The following C9orf50 variants were observed in gnomAD, a reference collection of about 807,000 sequenced individuals.
C9orf50 encodes chromosome 9 open reading frame 50.
A neutral mutation model predicts 42.5 loss-of-function variants in C9orf50; 33 were observed. The ratio of observed to expected loss-of-function variants is 0.78; its 90% confidence interval spans 0.59 to 1.04. C9orf50 has a LOEUF of 1.04. Ranked by LOEUF, C9orf50 falls within the 50% of genes least tolerant of loss-of-function variation. C9orf50 has a pLI of 0.00. For synonymous variants in C9orf50, 257 were observed against 273.4 expected (o/e 0.94, Z 0.59); for missense variants, 547 against 594.3 (o/e 0.92, Z 0.83).
At chr9:129,616,577 C>A (rs563528049) in intron 3 of C9orf50, among the ~76,000 whole-genome samples, 44 of 152,206 alleles carry the variant, frequency 2.9e-4, no homozygotes, top group Admixed American at 2.0e-3. Context: ...AGCCACGTGG[C>A]CTTTGGTAGA....
rs1830656457 is a variant in C9orf50 at position 129,620,651 on chromosome 9, G to C, written c.-77C>G. 4.1e-6 allele frequency: 5 copies of C among 1,222,676 alleles called. No individual in the cohort carries two copies. In the East Asian group the frequency reaches 1.5e-4, roughly 38 times the overall value. The allele number at this position is 1,222,676 out of a possible 1,614,324, so 75.7% of individuals were successfully genotyped here. A position where few individuals can be genotyped will look rare whatever the true frequency, so the allele number is the denominator to read the frequency against. On this transcript the variant is annotated 5_prime_UTR_variant, in exon 1 of 7. Coordinates refer to ENST00000372478, the Ensembl canonical transcript of C9orf50. The surrounding 1 kb of genome is among the most constrained non-coding windows in gnomAD (Gnocchi z 5.8). ...CGCCGGCTGAGGTGGGGAGGGCATAGTCCAGCCCCAGGCCATAGTGCCCCG... is the reference window on the plus strand; with the variant it reads ...CGCCGGCTGAGGTGGGGAGGGCATACTCCAGCCCCAGGCCATAGTGCCCCG...
intron 3 of C9orf50, 33 bp from the exon 4 acceptor site, chr9:129,615,680 C>A: frequency 2.7e-6 from 4 of 1,495,824 alleles, no homozygotes; most frequent in Non-Finnish European, 3.5e-6. Context: ...GTGCTCGAAG[C>A]CCCCCACCGT....
At chr9:129,619,522 G>A in exon 3 of C9orf50, 1 of 1,610,532 alleles carries the variant, frequency 6.2e-7, no homozygotes, top group Non-Finnish European at 8.5e-7. Flanking sequence ...TCACTCACTG[G>A]TTGGCCTTTC....
At chr9:129,619,917 C>T (rs1161150383) in intron 1 of C9orf50, 87 bp from the exon 2 acceptor site, 1 of 1,524,842 alleles carries the variant, frequency 6.6e-7, no homozygotes, top group East Asian at 2.3e-5. Context: ...CAGACCAGCC[C>T]TCAAGGACGG....
intron 3 of C9orf50, 102 bp from the exon 4 acceptor site, chr9:129,615,749 C>T: frequency 7.7e-7 from 1 of 1,296,976 alleles, no homozygotes; most frequent in Non-Finnish European, 1.0e-6. Flanking sequence ...AAGTGCCCTA[C>T]ACTGGTCTTG....
At position 129,613,112 on chromosome 9, in the gene C9orf50, C is replaced by T. The variant is rs774751558; in HGVS notation, c.1183G>A (p.Glu395Lys). The T allele has an allele frequency of 6.2e-7, 1 of 1,613,886 alleles. No homozygotes were observed. The highest frequency in any genetic ancestry group is 1.1e-5 in the South Asian group (1 of 91,038). Residue 395 changes from glutamate to lysine, a missense_variant, in exon 6 of 7, where the codon GAG becomes AAG. Transcript: ENST00000372478. This position sits in a 1 kb window ranked among gnomAD's most constrained non-coding sequence, Gnocchi z 6.2. The stretch of plus-strand genomic sequence containing the variant: ...GAGCAAGACCATTTGCCCACCTGCT[C>T]CAGGTTTCTGTGCGGGTCCAAGAAG...
chr9:129,618,282 G>A (rs190552162), intron 3 of C9orf50, among the ~76,000 whole-genome samples: 8 of 152,238 alleles, frequency 5.3e-5, no homozygotes, highest in African/African-American at 1.7e-4. Context: ...GCCCAGGTAG[G>A]TTCCAATTCC....
At position 129,619,725 on chromosome 9, in the gene C9orf50, C is replaced by A. The variant is rs760868670; in HGVS notation, c.599+15G>T. On this transcript the variant is annotated intron_variant, in intron 2 of 6. Coordinates refer to ENST00000372478, the Ensembl canonical transcript of C9orf50. Reference sequence around the variant, plus strand: ...TGGCAACCCCGTCCCCACCAAGAAGCGGACTGACGCTTACCACAGGTCTGG... The same window carrying A: ...TGGCAACCCCGTCCCCACCAAGAAGAGGACTGACGCTTACCACAGGTCTGG... The A allele has an allele frequency of 6.2e-7, 1 of 1,613,622 alleles. No homozygotes were observed. Among genetic ancestry groups the A allele is most frequent in the Non-Finnish European group, 8.5e-7 (1 of 1,179,630 alleles).
chr9:129,616,666 G>A (rs1306093525), intron 3 of C9orf50, among the ~76,000 whole-genome samples: 3 of 152,186 alleles, frequency 2.0e-5, no homozygotes, highest in Non-Finnish European at 4.4e-5. Context: ...TGGGTTTGGT[G>A]AGTATCAAAT....
intron 3 of C9orf50, among the ~76,000 whole-genome samples, chr9:129,619,087 G>T (rs559555868): frequency 6.6e-6 from 1 of 152,088 alleles, no homozygotes; most frequent in Non-Finnish European, 1.5e-5. Context: ...CAGGACACCT[G>T]ATTCATGGGT....
chr9:129,614,939 G>A lies in C9orf50; in HGVS notation c.880+545C>T, dbSNP rs1830280467. Reference sequence around the variant, plus strand: ...AGAAAAAGAAAACTCACTGGGAACTGCAAAACAGACACCATTACATCCAGG... The same window carrying A: ...AGAAAAAGAAAACTCACTGGGAACTACAAAACAGACACCATTACATCCAGG... On this transcript the variant is annotated intron_variant, in intron 4 of 6. Coordinates refer to ENST00000372478, the Ensembl canonical transcript of C9orf50. The surrounding 1 kb of genome is among the most constrained non-coding windows in gnomAD (Gnocchi z 4.4). Among the ~76,000 whole-genome samples the A allele has an allele frequency of 6.6e-6, 1 of 152,098 alleles. No individual in the cohort carries two copies. Among genetic ancestry groups the A allele is most frequent in the African/African-American group, 2.4e-5 (1 of 41,436 alleles).
In C9orf50 at chr9:129,620,193, G is replaced by A. The variant is rs1472344230; in HGVS notation, c.382C>T (p.Arg128Trp). The change falls in exon 1 of 7, where the codon CGG (arginine) becomes TGG (tryptophan). Residue 128 changes from arginine to tryptophan, a missense_variant. Around this residue, in one of 3 missense-constraint regions of C9orf50, gnomAD observed 108 missense variants for 172.1 expected, o/e 0.63. Transcript: ENST00000372478. This position sits in a 1 kb window ranked among gnomAD's most constrained non-coding sequence, Gnocchi z 5.8. The stretch of plus-strand genomic sequence containing the variant: ...GGGTCCTCCCTGGCCACGCGCCTCC[G>A]GGGGCGCTCGCGCTCTCCAGGCCCT... The A allele has an allele frequency of 5.5e-6, 8 of 1,449,138 alleles. No homozygotes were observed. The highest frequency in any genetic ancestry group is 2.8e-5 in the Admixed American group (1 of 35,470). The allele number at this position is 1,449,138 out of a possible 1,614,324, so 89.8% of individuals were successfully genotyped here.
chr9:129,613,400 G>A lies in C9orf50; in HGVS notation c.1043+35C>T, dbSNP rs753955509. 1 of 1,606,858 alleles carries A rather than the reference G, an allele frequency of 6.2e-7. No homozygotes were observed. The highest frequency in any genetic ancestry group is 2.2e-5 in the East Asian group (1 of 44,722). ...AAGGGGGGTGGAGGGCCCTGGCAAT[G>A]TCCACGAGTCCCATCCGCTTCCCTG... On this transcript the variant is annotated intron_variant, in intron 5 of 6. Transcript: ENST00000372478. The surrounding 1 kb of genome is among the most constrained non-coding windows in gnomAD (Gnocchi z 6.2).
In C9orf50 at chr9:129,620,040, C is replaced by T; in HGVS notation, c.508+27G>A. ...CCCCCCACCGGAAATGACTCGGGCC[C>T]GCCCCCCGGGCCCCGCGGGGCCTCA... On this transcript the variant is annotated intron_variant, in intron 1 of 6. Transcript: ENST00000372478. This position sits in a 1 kb window ranked among gnomAD's most constrained non-coding sequence, Gnocchi z 5.8. The T allele has an allele frequency of 3.4e-6, 5 of 1,453,952 alleles. No homozygotes were observed. Among genetic ancestry groups the T allele is most frequent in the South Asian group, 1.5e-5 (1 of 68,684 alleles). 90.1% of individuals were successfully genotyped at this position (1,453,952 alleles called of 1,614,324 possible). A position where few individuals can be genotyped will look rare whatever the true frequency, so the allele number is the denominator to read the frequency against.
At chr9:129,616,560 C>T (rs1365634798) in intron 3 of C9orf50, among the ~76,000 whole-genome samples, 1 of 152,086 alleles carries the variant, frequency 6.6e-6, no homozygotes, top group Non-Finnish European at 1.5e-5. Flanking sequence ...CAATCATGCC[C>T]CATCCCAGCC....
intron 4 of C9orf50, among the ~76,000 whole-genome samples, 198 bp downstream of exon 4, chr9:129,615,286 C>G (rs1170605269): frequency 6.6e-6 from 1 of 152,326 alleles, no homozygotes; most frequent in East Asian, 1.9e-4. Flanking sequence ...CCACTGGACT[C>G]TGGACCCTCT....
rs1564338882 is a variant in C9orf50, at chr9:129,620,041, G to A, written c.508+26C>T. 2 of 1,452,356 alleles carry A rather than the reference G, an allele frequency of 1.4e-6. No homozygotes were observed. The allele number at this position is 1,452,356 out of a possible 1,614,324, so 90.0% of individuals were successfully genotyped here. ...CCCCCACCGGAAATGACTCGGGCCC[G>A]CCCCCCGGGCCCCGCGGGGCCTCAC... On this transcript the variant is annotated intron_variant, in intron 1 of 6. Transcript: ENST00000372478. This position sits in a 1 kb window ranked among gnomAD's most constrained non-coding sequence, Gnocchi z 5.8.
chr9:129,619,805 C>T (rs372977717), exon 2 of C9orf50: 1 of 1,614,084 alleles, frequency 6.2e-7, no homozygotes. Context: ...CTAATACACC[C>T]CTTTGATGTT....
rs374550377 is a variant in C9orf50 at position 129,619,661 on chromosome 9, G to A, written c.600-25C>T. 2.8e-5 allele frequency: 45 copies of A among 1,612,814 alleles called. No individual in the cohort carries two copies. The African/African-American group carries it at 5.2e-4, about 19-fold the overall frequency. ...CCTTAAAGACAAACAGGCCACATCT[G>A]GCATGAGTGGCCAGGCTGTCCCGCC... On this transcript the variant is annotated intron_variant, in intron 2 of 6. Coordinates refer to ENST00000372478, the Ensembl canonical transcript of C9orf50.
Sources: gnomAD v4.1 joint callset for allele counts (sites outside exome capture counted in the v4.1 genomes callset) on GRCh38, gnomAD v4.1.1 for gene constraint, gnomAD v4.1.1 regional missense constraint, Gnocchi (gnomAD v3.1) non-coding constraint, MANE v1.5 for transcripts, NCBI Gene and HGNC (gene_info 2026-07-23, HGNC 2026-07-21) for gene names.